The following TTC28 variants were observed in gnomAD, a reference collection of about 807,000 sequenced individuals.
TTC28 encodes tetratricopeptide repeat domain 28, also known as tetratricopeptide repeat protein 28.
Under a neutral mutation model 198.0 loss-of-function variants are expected in TTC28, and 61 were observed. That is an observed-to-expected ratio of 0.31 (90% confidence interval 0.25 to 0.38). The LOEUF is 0.38. Ranked by LOEUF, TTC28 falls within the 10% of genes least tolerant of loss-of-function variation. The pLI is 1.00. For synonymous variants in TTC28, 1,171 were observed against 1,297.8 expected (o/e 0.90, Z 2.10); for missense variants, 2,678 against 3,164.0 (o/e 0.85, Z 3.69).
intron 2 of TTC28, among the ~76,000 whole-genome samples, chr22:28,498,715 A>G (rs933367935): frequency 6.6e-6 from 1 of 152,166 alleles, no homozygotes; most frequent in Non-Finnish European, 1.5e-5. Context: ...GGGCCCAAAG[A>G]GCCCCCAGAA....
chr22:28,332,584 T>A (rs2045633978), intron 2 of TTC28, among the ~76,000 whole-genome samples: 1 of 152,114 alleles, frequency 6.6e-6, no homozygotes, highest in South Asian at 2.1e-4. Flanking sequence ...CTCAGCAATT[T>A]CAGTGTACAC....
chr22:28,365,526 A>C (rs1053475517), intron 2 of TTC28, among the ~76,000 whole-genome samples: 2 of 152,232 alleles, frequency 1.3e-5, no homozygotes, highest in African/African-American at 4.8e-5. Flanking sequence ...ACCACATGCA[A>C]GCATAAGCCA....
intron 2 of TTC28, among the ~76,000 whole-genome samples, chr22:28,439,048 T>G (rs1044348516): frequency 3.3e-5 from 5 of 152,204 alleles, no homozygotes; most frequent in Admixed American, 6.5e-5. Context: ...AACTGAAATA[T>G]AAGAAAGCCT....
intron 15 of TTC28, 105 bp downstream of exon 15, chr22:28,001,269 A>G (rs907528483): frequency 8.2e-6 from 11 of 1,349,112 alleles, no homozygotes; most frequent in African/African-American, 1.5e-5. Flanking sequence ...ACTTTTGAGG[A>G]GATCACAGCT....
rs1288568708 is a variant in TTC28, at chr22:28,096,385, C to T, written c.3571G>A (p.Val1191Met). ...GCCCTTGTCCGTCCCCTTTCTGCCACAGCCAGGGCTTCATCATGATGGCCT... is the reference window on the plus strand; with the variant it reads ...GCCCTTGTCCGTCCCCTTTCTGCCATAGCCAGGGCTTCATCATGATGGCCT... The part of the protein sequence containing the change: ...SLGHHDEALA[V>M]AERGRTRAFA... The change falls in exon 11 of 23, where the codon GTG (valine) becomes ATG (methionine). Residue 1191 changes from valine (V) to methionine (M), a missense_variant. Val to Met is a conservative substitution (Grantham distance 21). Transcript: ENST00000397906. The T allele has an allele frequency of 6.4e-7, 1 of 1,551,450 alleles. No individual in the cohort carries two copies. Among genetic ancestry groups the T allele is most frequent in the Non-Finnish European group, 8.7e-7 (1 of 1,147,052 alleles).
chr22:28,335,873 A>G (rs1033010402), intron 2 of TTC28, among the ~76,000 whole-genome samples: 2 of 152,152 alleles, frequency 1.3e-5, no homozygotes, highest in Non-Finnish European at 2.9e-5. Context: ...TTCCAATACT[A>G]TGTTGAATAG....
At chr22:28,205,666 T>C (rs943157197) in intron 5 of TTC28, among the ~76,000 whole-genome samples, 1 of 151,998 alleles carries the variant, frequency 6.6e-6, no homozygotes, top group African/African-American at 2.4e-5. Context: ...ATGGGATAAA[T>C]ATATATAAAT....
intron 2 of TTC28, among the ~76,000 whole-genome samples, chr22:28,425,037 A>AT (rs2047326027): frequency 6.6e-6 from 1 of 152,230 alleles, no homozygotes; most frequent in Non-Finnish European, 1.5e-5. Flanking sequence ...GTCACTGTAC[A>AT]TATAAATAAA....
intron 1 of TTC28, among the ~76,000 whole-genome samples, chr22:28,638,256 T>C (rs1399527383): frequency 6.6e-6 from 1 of 152,176 alleles, no homozygotes; most frequent in Non-Finnish European, 1.5e-5. Flanking sequence ...ATATAAATTC[T>C]ATTATAAATT....
intron 2 of TTC28, among the ~76,000 whole-genome samples, chr22:28,406,473 T>C (rs916896782): frequency 9.2e-5 from 14 of 152,194 alleles, no homozygotes; most frequent in African/African-American, 3.4e-4. Flanking sequence ...GGGAAGAGCC[T>C]GGCCCTGCTG....
intron 2 of TTC28, among the ~76,000 whole-genome samples, chr22:28,377,379 CT>C (rs879817495): frequency 1.1e-3 from 154 of 143,420 alleles, no homozygotes; most frequent in Non-Finnish European, 1.0e-3. Context: ...CTTCTGGTGC[CT>C]TTTTTTTTTT....
At chr22:28,111,445 C>T (rs540998231) in intron 6 of TTC28, among the ~76,000 whole-genome samples, 1 of 152,266 alleles carries the variant, frequency 6.6e-6, no homozygotes, top group East Asian at 1.9e-4. Context: ...TTCTAAAGAC[C>T]TGAATTTAAC....
chr22:28,527,002 C>T (rs2049016258), intron 2 of TTC28, among the ~76,000 whole-genome samples: 1 of 152,124 alleles, frequency 6.6e-6, no homozygotes, highest in Non-Finnish European at 1.5e-5. Context: ...AGGTGATCCA[C>T]CCGCCTCAGC....
At chr22:28,497,912 A>T (rs915545634) in intron 2 of TTC28, among the ~76,000 whole-genome samples, 1 of 152,214 alleles carries the variant, frequency 6.6e-6, no homozygotes, top group Non-Finnish European at 1.5e-5. Flanking sequence ...CATAATTTTC[A>T]ATTAATAAAC....
At chr22:28,628,936 A>AAAAGG (rs373473922) in intron 2 of TTC28, among the ~76,000 whole-genome samples, 6 of 152,064 alleles carry the variant, frequency 3.9e-5, no homozygotes, top group East Asian at 1.9e-4. Context: ...AGGAAAAAAG[A>AAAAGG]AAAGGAAAGG....
At chr22:28,590,294 AT>A (rs907421627) in intron 2 of TTC28, among the ~76,000 whole-genome samples, 3 of 150,914 alleles carry the variant, frequency 2.0e-5, no homozygotes, top group East Asian at 2.0e-4. Flanking sequence ...CACCCAGATA[AT>A]TTTTTTTGTA....
At chr22:27,999,330 C>G in intron 15 of TTC28, 70 bp from the exon 16 acceptor site, 1 of 1,479,968 alleles carries the variant, frequency 6.8e-7, no homozygotes. Context: ...AGTGGTCGGC[C>G]GAGCACAGGG....
intron 12 of TTC28, among the ~76,000 whole-genome samples, chr22:28,066,354 G>T (rs1029451823): frequency 6.6e-6 from 1 of 151,364 alleles, no homozygotes; most frequent in Non-Finnish European, 1.5e-5. Context: ...GGACACTTAA[G>T]ATCTACTGCA....
intron 13 of TTC28, among the ~76,000 whole-genome samples, chr22:28,026,234 T>A (rs2074894719): frequency 6.6e-6 from 1 of 152,146 alleles, no homozygotes; most frequent in South Asian, 2.1e-4. Flanking sequence ...TCTGCACCCC[T>A]CAACGTGGCA....
Sources: allele counts gnomAD v4.1 joint callset (sites outside exome capture counted in the v4.1 genomes callset), GRCh38; gene constraint gnomAD v4.1.1; transcripts MANE v1.5; gene names NCBI Gene and HGNC (gene_info 2026-07-23, HGNC 2026-07-21).